Variants in PCDH9 observed in about 807,000 individuals in gnomAD.
The protein encoded by PCDH9 is protocadherin-9.
PCDH9 carries 24 observed loss-of-function variants against 70.6 expected under a neutral mutation model. The observed-to-expected ratio is 0.34, with a 90% CI of 0.25 to 0.48. PCDH9 has a LOEUF of 0.48. Ranked by LOEUF, PCDH9 falls within the 20% of genes least tolerant of loss-of-function variation. The probability of loss-of-function intolerance (pLI) is 0.99; values close to 1 mark genes in which losing one functional copy is unlikely to be tolerated. For missense variants in PCDH9, 1,281 were observed against 1,503.6 expected, an observed-to-expected ratio of 0.85 and a Z score of 2.45; for synonymous variants, 562 against 558.5, an observed-to-expected ratio of 1.01 and a Z score of -0.09.
In PCDH9 at chr13:66,724,088, C is replaced by A. The variant is rs146556907; in HGVS notation, c.3139-92677G>T. ...AATTAATCAATTATCAAGTTGAGTG[C>A]GACCAGGAATTTTTCTTTTTTCTCT... On this transcript the variant is annotated intron_variant, in intron 3 of 4. Coordinates refer to ENST00000377865, the MANE Select transcript of PCDH9 (RefSeq NM_203487.3). 5.3e-4 allele frequency among the ~76,000 whole-genome samples: 80 copies of A among 152,258 alleles called. No homozygotes were observed. In the East Asian group the frequency reaches 0.015, roughly 28 times the overall value.
chr13:67,073,452 A>G (rs2085807847), intron 2 of PCDH9, among the ~76,000 whole-genome samples: 1 of 152,158 alleles, frequency 6.6e-6, no homozygotes, highest in Non-Finnish European at 1.5e-5. Context: ...GAGGCTGCTT[A>G]AAGTTGACTA....
intron 3 of PCDH9, among the ~76,000 whole-genome samples, chr13:66,807,942 C>G (rs751213355): frequency 6.6e-6 from 1 of 152,086 alleles, no homozygotes; most frequent in Non-Finnish European, 1.5e-5. Flanking sequence ...CTCAATGCAT[C>G]CTCAGAGGGC....
chr13:67,002,248 C>T (rs2084260611), intron 2 of PCDH9, among the ~76,000 whole-genome samples: 1 of 152,002 alleles, frequency 6.6e-6, no homozygotes, highest in African/African-American at 2.4e-5. Context: ...AATAACCTCA[C>T]TATTAAACAG....
At chr13:66,760,878 T>C (rs547297548) in intron 3 of PCDH9, among the ~76,000 whole-genome samples, 1 of 152,244 alleles carries the variant, frequency 6.6e-6, no homozygotes, top group South Asian at 2.1e-4. Context: ...GGATGAAATA[T>C]GCCCTGGTCT....
At chr13:66,956,612 G>A (rs1307561785) in intron 2 of PCDH9, among the ~76,000 whole-genome samples, 2 of 152,084 alleles carry the variant, frequency 1.3e-5, no homozygotes, top group South Asian at 2.1e-4. Context: ...TTAGCCGACC[G>A]TGGTGGCACA....
chr13:66,881,963 AT>A (rs2081928566), intron 3 of PCDH9, among the ~76,000 whole-genome samples: 1 of 152,216 alleles, frequency 6.6e-6, no homozygotes, highest in African/African-American at 2.4e-5. Context: ...ACATTATTTT[AT>A]GTATAAACTA....
intron 3 of PCDH9, among the ~76,000 whole-genome samples, chr13:66,701,570 G>T (rs1241688001): frequency 6.6e-6 from 1 of 151,936 alleles, no homozygotes; most frequent in Non-Finnish European, 1.5e-5. Flanking sequence ...TTTTTGTTTG[G>T]CCTAGCTTTT....
At position 66,777,832 on chromosome 13, in the gene PCDH9, C is replaced by T. The variant is rs2079923929; in HGVS notation, c.3138+125672G>A. Reference sequence around the variant, plus strand: ...ATGCTGCTATAAAGACACATGCACACGTATGTTTCTTGCGGCACTATTCAC... The same window carrying T: ...ATGCTGCTATAAAGACACATGCACATGTATGTTTCTTGCGGCACTATTCAC... On this transcript the variant is annotated intron_variant, in intron 3 of 4. Transcript: ENST00000377865. 3.9e-5 allele frequency among the ~76,000 whole-genome samples: 6 copies of T among 152,182 alleles called. No individual in the cohort carries two copies. In the South Asian group the frequency reaches 1.0e-3, roughly 26 times the overall value.
intron 4 of PCDH9, among the ~76,000 whole-genome samples, chr13:66,324,957 T>C (rs1356740301): frequency 1.3e-5 from 2 of 151,900 alleles, no homozygotes; most frequent in Non-Finnish European, 2.9e-5. Flanking sequence ...ACTTCAATTG[T>C]GGGATACTAG....
chr13:66,920,862 T>C (rs2082626661), intron 2 of PCDH9, among the ~76,000 whole-genome samples: 1 of 151,236 alleles, frequency 6.6e-6, no homozygotes, highest in South Asian at 2.1e-4. Context: ...TGAATGTTTG[T>C]ATATTTTCAA....
At chr13:67,186,967 A>C (rs2088775634) in intron 2 of PCDH9, among the ~76,000 whole-genome samples, 1 of 152,190 alleles carries the variant, frequency 6.6e-6, no homozygotes, top group African/African-American at 2.4e-5. Context: ...GACATCATTA[A>C]CTTTAACAGC....
intron 4 of PCDH9, among the ~76,000 whole-genome samples, chr13:66,353,789 A>G (rs542283583): frequency 1.3e-5 from 2 of 152,098 alleles, no homozygotes; most frequent in African/African-American, 4.8e-5. Context: ...ATACTTATGT[A>G]CACTCTTCTG....
intron 3 of PCDH9, among the ~76,000 whole-genome samples, chr13:66,871,953 C>T (rs2081698568): frequency 1.3e-5 from 2 of 152,078 alleles, no homozygotes; most frequent in South Asian, 2.1e-4. Context: ...TCTCCAAGCT[C>T]CACAGTTAGA....
At chr13:66,636,706 T>C (rs967036636) in intron 3 of PCDH9, among the ~76,000 whole-genome samples, 8 of 152,090 alleles carry the variant, frequency 5.3e-5, no homozygotes, top group African/African-American at 1.9e-4. Flanking sequence ...AGCAATAATA[T>C]GTCATTTATT....
intron 4 of PCDH9, among the ~76,000 whole-genome samples, chr13:66,362,634 G>C (rs1183561999): frequency 1.3e-5 from 2 of 152,066 alleles, no homozygotes; most frequent in East Asian, 3.9e-4. Flanking sequence ...GTGTATTTAT[G>C]TTTCTCTTTC....
intron 4 of PCDH9, among the ~76,000 whole-genome samples, chr13:66,602,989 A>G (rs1260848257): frequency 1.4e-5 from 2 of 145,972 alleles, no homozygotes; most frequent in African/African-American, 4.9e-5. Context: ...TACCTTGTAG[A>G]CTAGGAGTGT....
intron 3 of PCDH9, among the ~76,000 whole-genome samples, chr13:66,633,387 T>TCATGG (rs2138941902): frequency 6.6e-6 from 1 of 152,194 alleles, no homozygotes; most frequent in East Asian, 1.9e-4. Flanking sequence ...CTAAGAAAGA[T>TCATGG]CATGCTACCA....
chr13:66,879,246 C>T (rs903527382), intron 3 of PCDH9, among the ~76,000 whole-genome samples: 6 of 151,986 alleles, frequency 3.9e-5, no homozygotes, highest in African/African-American at 1.5e-4. Context: ...AGTAGGAATT[C>T]CCACTTTCCA....
At chr13:67,071,709 G>A (rs370459998) in intron 2 of PCDH9, among the ~76,000 whole-genome samples, 134 of 151,804 alleles carry the variant, frequency 8.8e-4, no homozygotes, top group African/African-American at 3.1e-3. Context: ...GGCCAACCTG[G>A]GGAAACCCAA....
Sources: gnomAD v4.1 joint callset for allele counts (sites outside exome capture counted in the v4.1 genomes callset) on GRCh38, gnomAD v4.1.1 for gene constraint, MANE v1.5 for transcripts, NCBI Gene and HGNC (gene_info 2026-07-23, HGNC 2026-07-21) for gene names.